GALNT13: variants seen among roughly 807,000 people sequenced by gnomAD.
GALNT13 encodes UDP-GalNAc:polypeptide N-acetylgalactosaminyltransferase 13.
Under a neutral mutation model 64.2 loss-of-function variants are expected in GALNT13, and 28 were observed. The ratio of observed to expected loss-of-function variants is 0.44; its 90% CI spans 0.32 to 0.60. The LOEUF is 0.60. GALNT13 is among the 20% of genes least tolerant of loss of function. GALNT13 has a pLI of 0.05. For synonymous variants in GALNT13, 214 were observed against 224.6 expected, an observed-to-expected ratio of 0.95 and a Z score of 0.42; for missense variants, 577 against 669.8, an observed-to-expected ratio of 0.86 and a Z score of 1.53.
At chr2:153,679,133 C>T in the GALNT13 span, among the ~76,000 whole-genome samples, 1 of 151,908 alleles carries the variant, frequency 6.6e-6, no homozygotes, top group African/African-American at 2.4e-5. Flanking sequence ...TCCAGCTGTT[C>T]CTTGCTTCCC....
At chr2:153,936,727 T>A (rs1452255283) in intron 2 of GALNT13, among the ~76,000 whole-genome samples, 15 of 145,870 alleles carry the variant, frequency 1.0e-4, no homozygotes, top group Admixed American at 2.1e-4. Flanking sequence ...TTAAATTTAA[T>A]TTTTTTTTTT....
At chr2:153,705,592 T>C in the GALNT13 span, among the ~76,000 whole-genome samples, 2 of 152,178 alleles carry the variant, frequency 1.3e-5, no homozygotes, top group African/African-American at 2.4e-5. Flanking sequence ...TCTCTCATTC[T>C]CCTTGGACAA....
the GALNT13 span, among the ~76,000 whole-genome samples, chr2:153,126,298 A>G: frequency 1.4e-3 from 9 of 6,208 alleles, 1 homozygote; most frequent in South Asian, 9.2e-3. Flanking sequence ...TTGATTTTGT[A>G]TATATATATA....
intron 3 of GALNT13, among the ~76,000 whole-genome samples, chr2:153,955,986 C>G (rs539898296): frequency 6.6e-6 from 1 of 152,200 alleles, no homozygotes; most frequent in South Asian, 2.1e-4. Context: ...TTCAGCACAC[C>G]CTGGCAAAAA....
intron 9 of GALNT13, among the ~76,000 whole-genome samples, chr2:154,372,348 A>C (rs799780): frequency 0.39 from 59,573 of 152,030 alleles, 12,377 homozygotes; most frequent in African/African-American, 0.53. Context: ...TCTAATCCCC[A>C]GATGTACTGA....
the GALNT13 span, among the ~76,000 whole-genome samples, chr2:153,652,677 C>A: frequency 1.3e-5 from 2 of 152,162 alleles, no homozygotes; most frequent in South Asian, 2.1e-4. Flanking sequence ...CACCTCTGCA[C>A]CCTTGCTGTT....
At chr2:154,184,327 T>A (rs1303692814) in intron 4 of GALNT13, among the ~76,000 whole-genome samples, 1 of 152,148 alleles carries the variant, frequency 6.6e-6, no homozygotes, top group African/African-American at 2.4e-5. Flanking sequence ...TCCTGGATAC[T>A]GTTTTTAATC....
the GALNT13 span, among the ~76,000 whole-genome samples, chr2:153,146,675 G>A: frequency 1.3e-5 from 2 of 151,822 alleles, no homozygotes; most frequent in African/African-American, 4.8e-5. Context: ...TTGTATCAGG[G>A]TTTCCTTCAG....
At chr2:153,345,639 C>T in the GALNT13 span, among the ~76,000 whole-genome samples, 1,084 of 68,360 alleles carry the variant, frequency 0.016, 5 homozygotes, top group African/African-American at 0.03. Context: ...CTTTCTTTTT[C>T]TTTCTTTCTT....
the GALNT13 span, among the ~76,000 whole-genome samples, chr2:153,094,619 G>A: frequency 2.6e-5 from 4 of 152,148 alleles, no homozygotes; most frequent in East Asian, 5.8e-4. Flanking sequence ...GAGGCATCAT[G>A]CTACCTGACT....
chr2:154,192,916 C>G (rs1202028681), intron 4 of GALNT13, among the ~76,000 whole-genome samples: 1 of 152,120 alleles, frequency 6.6e-6, no homozygotes, highest in Admixed American at 6.5e-5. Flanking sequence ...TTCTCATTCA[C>G]AACATTGAAA....
the GALNT13 span, among the ~76,000 whole-genome samples, chr2:153,690,721 T>A: frequency 6.6e-6 from 1 of 152,236 alleles, no homozygotes; most frequent in African/African-American, 2.4e-5. Flanking sequence ...AAAATACAGA[T>A]ACAAATCTCT....
chr2:153,500,077 C>G, the GALNT13 span, among the ~76,000 whole-genome samples: 1 of 152,206 alleles, frequency 6.6e-6, no homozygotes, highest in South Asian at 2.1e-4. Context: ...CTGCTGCCAT[C>G]AATCCCTCAT....
the GALNT13 span, among the ~76,000 whole-genome samples, chr2:153,150,753 T>C: frequency 6.6e-6 from 1 of 152,144 alleles, no homozygotes; most frequent in East Asian, 1.9e-4. Flanking sequence ...TTCTTGTTTT[T>C]GTCAGGTTTG....
chr2:153,194,779 G>A, the GALNT13 span, among the ~76,000 whole-genome samples: 1 of 152,106 alleles, frequency 6.6e-6, no homozygotes, highest in South Asian at 2.1e-4. Context: ...GTCGTGTAGG[G>A]GAGCTTTGCT....
chr2:153,597,316 A>T, the GALNT13 span, among the ~76,000 whole-genome samples: 2 of 152,136 alleles, frequency 1.3e-5, no homozygotes, highest in Non-Finnish European at 2.9e-5. Context: ...CATGAAGCTG[A>T]TCCTGTCCCA....
intron 2 of GALNT13, among the ~76,000 whole-genome samples, chr2:153,925,920 G>A (rs1690105261): frequency 6.6e-6 from 1 of 152,074 alleles, no homozygotes; most frequent in African/African-American, 2.4e-5. Context: ...CTGAAACTTT[G>A]CTGAAGTTGC....
the GALNT13 span, among the ~76,000 whole-genome samples, chr2:153,716,721 C>T: frequency 6.6e-6 from 1 of 150,968 alleles, no homozygotes; most frequent in African/African-American, 2.4e-5. Context: ...AATACTATCC[C>T]ACTTAACACT....
chr2:154,126,541 A>G (rs1682277675), intron 3 of GALNT13, among the ~76,000 whole-genome samples: 1 of 151,864 alleles, frequency 6.6e-6, no homozygotes, highest in African/African-American at 2.4e-5. Context: ...AGGCTGAGGC[A>G]GGAGAATGGC....
Sources: gnomAD v4.1 joint callset for allele counts (sites outside exome capture counted in the v4.1 genomes callset) on GRCh38, gnomAD v4.1.1 for gene constraint, MANE v1.5 for transcripts, NCBI Gene and HGNC (gene_info 2026-07-23, HGNC 2026-07-21) for gene names.